The following ULK4 variants were observed in gnomAD, a reference collection of about 807,000 sequenced individuals.
ULK4 encodes the protein inactive serine/threonine-protein kinase ULK4.
A neutral mutation model predicts 160.6 loss-of-function variants in ULK4; 133 were observed. That is an observed-to-expected ratio of 0.83 (90% confidence interval 0.72 to 0.96). The LOEUF (loss-of-function observed/expected upper bound fraction) is 0.96, where lower values mean the gene tolerates loss of function less well. Ranked by LOEUF, ULK4 falls within the 40% of genes least tolerant of loss-of-function variation. The pLI is 0.00. For synonymous variants in ULK4, 534 were observed against 539.8 expected (o/e 0.99, Z 0.15); for missense variants, 1,580 against 1,499.5 (o/e 1.05, Z -0.89).
intron 35 of ULK4, among the ~76,000 whole-genome samples, chr3:41,271,494 C>A (rs1221505375): frequency 6.7e-6 from 1 of 149,954 alleles, no homozygotes; most frequent in Non-Finnish European, 1.5e-5. Context: ...TGGGTTCAAG[C>A]GATTCTTGTG....
At chr3:41,527,663 T>C (rs1185628064) in intron 32 of ULK4, among the ~76,000 whole-genome samples, 2 of 152,232 alleles carry the variant, frequency 1.3e-5, no homozygotes, top group Non-Finnish European at 2.9e-5. Context: ...TTTGGCTACT[T>C]AATAGCACCT....
rs1272950219 is a variant in ULK4, at chr3:41,819,523, A to G, written c.1765-17T>C. The G allele has an allele frequency of 2.6e-6, 4 of 1,528,582 alleles. No individual in the cohort carries two copies. The highest frequency in any genetic ancestry group is 2.7e-5 in the African/African-American group (1 of 37,594). The allele number at this position is 1,528,582 out of a possible 1,614,324, so 94.7% of individuals were successfully genotyped here. A position where few individuals can be genotyped will look rare whatever the true frequency, so the allele number is the denominator to read the frequency against. On this transcript the variant is annotated splice_polypyrimidine_tract_variant and intron_variant, in intron 18 of 36. Coordinates refer to ENST00000301831, the MANE Select transcript of ULK4 (RefSeq NM_017886.4). ...TTTTTCTTCCTAAAATGAAGTGGGA[A>G]AAAAAAAGGCAGTGAAGCTAACAGC...
intron 34 of ULK4, among the ~76,000 whole-genome samples, chr3:41,416,308 G>C (rs1349566292): frequency 6.6e-6 from 1 of 152,086 alleles, no homozygotes; most frequent in East Asian, 1.9e-4. Flanking sequence ...ATAAAATCTC[G>C]TATTTCCTAT....
intron 35 of ULK4, among the ~76,000 whole-genome samples, chr3:41,368,167 C>A (rs1264063282): frequency 6.6e-6 from 1 of 151,888 alleles, no homozygotes; most frequent in African/African-American, 2.4e-5. Flanking sequence ...CCTGCCTCAG[C>A]CTCCTGAGTA....
At chr3:41,249,689 T>G in intron 35 of ULK4, 115 bp from the exon 36 acceptor site, 2 of 1,066,270 alleles carry the variant, frequency 1.9e-6, no homozygotes, top group South Asian at 3.1e-5. Flanking sequence ...CCTAAGGCAC[T>G]GGGGGGTGTC....
intron 34 of ULK4, among the ~76,000 whole-genome samples, chr3:41,425,363 G>A (rs762357773): frequency 6.6e-6 from 1 of 152,114 alleles, no homozygotes; most frequent in Non-Finnish European, 1.5e-5. Flanking sequence ...GAACCAAGTT[G>A]GGAAACATAC....
chr3:41,865,205 G>A (rs1347868144), intron 17 of ULK4, among the ~76,000 whole-genome samples: 3 of 146,154 alleles, frequency 2.1e-5, no homozygotes, highest in African/African-American at 2.6e-5. Context: ...CCCAAGAGGC[G>A]GAGGTTGCAG....
At chr3:41,519,274 C>A (rs975428949) in intron 32 of ULK4, among the ~76,000 whole-genome samples, 5 of 152,170 alleles carry the variant, frequency 3.3e-5, no homozygotes, top group Non-Finnish European at 7.3e-5. Flanking sequence ...CTCCTCTGTG[C>A]CTCACAGGAG....
At chr3:41,378,790 A>C (rs1436363350) in intron 35 of ULK4, among the ~76,000 whole-genome samples, 1 of 151,700 alleles carries the variant, frequency 6.6e-6, no homozygotes, top group East Asian at 1.9e-4. Context: ...TAAATAAAAT[A>C]AAATAAATAA....
At chr3:41,731,404 C>A (rs1007746203) in intron 22 of ULK4, among the ~76,000 whole-genome samples, 2 of 151,674 alleles carry the variant, frequency 1.3e-5, no homozygotes, top group Non-Finnish European at 2.9e-5. Context: ...AAAAAAAATT[C>A]TCTTAATATG....
At chr3:41,604,036 T>C (rs2032249286) in intron 31 of ULK4, among the ~76,000 whole-genome samples, 1 of 151,926 alleles carries the variant, frequency 6.6e-6, no homozygotes, top group Non-Finnish European at 1.5e-5. Context: ...GGGACTACTT[T>C]AGATGAAATA....
At chr3:41,429,617 T>A (rs1225856053) in intron 34 of ULK4, among the ~76,000 whole-genome samples, 1 of 152,100 alleles carries the variant, frequency 6.6e-6, no homozygotes, top group East Asian at 1.9e-4. Flanking sequence ...GAAGCCATTA[T>A]CCTCGGCAAA....
chr3:41,403,179 A>G (rs527413885), intron 34 of ULK4, among the ~76,000 whole-genome samples: 1 of 152,166 alleles, frequency 6.6e-6, no homozygotes, highest in African/African-American at 2.4e-5. Context: ...ATTATATAAA[A>G]TTGATACTTA....
chr3:41,507,178 CAAAA>C (rs149739568), intron 32 of ULK4, among the ~76,000 whole-genome samples: 63,313 of 81,502 alleles, frequency 0.78, 23,745 homozygotes, highest in Non-Finnish European at 0.85. Context: ...TAACCAGGAG[CAAAA>C]AAAAAAAAAA....
intron 32 of ULK4, among the ~76,000 whole-genome samples, chr3:41,492,988 A>G (rs2084844646): frequency 7.1e-6 from 1 of 140,182 alleles, no homozygotes; most frequent in African/African-American, 2.6e-5. Flanking sequence ...GGGAGACTTT[A>G]ACACCCCACT....
chr3:41,850,339 GC>G (rs2042179286), intron 17 of ULK4, among the ~76,000 whole-genome samples: 1 of 152,266 alleles, frequency 6.6e-6, no homozygotes, highest in South Asian at 2.1e-4. Context: ...TAATGGGATG[GC>G]TGGGTCAAAT....
intron 32 of ULK4, among the ~76,000 whole-genome samples, chr3:41,516,234 TAA>T (rs1450006658): frequency 6.6e-6 from 1 of 152,180 alleles, no homozygotes; most frequent in Admixed American, 6.5e-5. Context: ...CTAGACAAAT[TAA>T]TTTTTAAACT....
intron 34 of ULK4, among the ~76,000 whole-genome samples, chr3:41,422,975 C>T (rs762343133): frequency 2.0e-5 from 3 of 152,066 alleles, no homozygotes; most frequent in African/African-American, 4.8e-5. Flanking sequence ...TACATTCATA[C>T]TATAAAATAC....
At chr3:41,582,494 A>C (rs73830263) in intron 31 of ULK4, among the ~76,000 whole-genome samples, 1 of 152,204 alleles carries the variant, frequency 6.6e-6, no homozygotes, top group Admixed American at 6.5e-5. Flanking sequence ...GCATAGAGCA[A>C]GCAGAAGCAG....
Sources: gnomAD v4.1 joint callset for allele counts (sites outside exome capture counted in the v4.1 genomes callset) on GRCh38, gnomAD v4.1.1 for gene constraint, MANE v1.5 for transcripts, NCBI Gene and HGNC (gene_info 2026-07-23, HGNC 2026-07-21) for gene names.